SHROOM4: variants seen among roughly 807,000 people sequenced by gnomAD.
The protein encoded by SHROOM4 is shroom family member 4.
Under a neutral mutation model 80.3 loss-of-function variants are expected in SHROOM4, and 17 were observed. The observed-to-expected ratio is 0.21, with a 90% CI of 0.14 to 0.32. The LOEUF (loss-of-function observed/expected upper bound fraction) is 0.32, where lower values mean the gene tolerates loss of function less well. Among genes scored for constraint, SHROOM4 ranks in the 10% least tolerant of loss-of-function variants. SHROOM4 has a pLI of 1.00. For synonymous variants in SHROOM4, 400 were observed against 437.5 expected, an observed-to-expected ratio of 0.91 and a Z score of 1.07; for missense variants, 993 against 1,140.3, an observed-to-expected ratio of 0.87 and a Z score of 1.86.
chrX:50,634,138 T>A lies in SHROOM4; in HGVS notation c.1935A>T (p.Lys645Asn), dbSNP rs376712909. 8.4e-5 allele frequency: 101 copies of A among 1,207,554 alleles called. No homozygotes were observed. In the Admixed American group the frequency reaches 9.2e-4, roughly 11 times the overall value. ...SNTSLLSSCK[K>N]PPSPRDKLFN... Reference sequence around the variant, plus strand: ...AGAGCTTGTCTCTGGGGCTGGGAGGTTTTTTACATGAAGATAGAAGAGATG... The same window carrying A: ...AGAGCTTGTCTCTGGGGCTGGGAGGATTTTTACATGAAGATAGAAGAGATG... Residue 645 changes from lysine to asparagine, a missense_variant, in exon 4 of 9, where the codon AAA (lysine) becomes AAT (asparagine). Transcript: ENST00000376020.
intron 2 of SHROOM4, among the ~76,000 whole-genome samples, chrX:50,657,309 T>C (rs1557259550): frequency 9.0e-6 from 1 of 111,362 alleles, no homozygotes; most frequent in Admixed American, 9.6e-5. Context: ...GTGGGGAAAA[T>C]GGGTGCCCTT....
intron 1 of SHROOM4, among the ~76,000 whole-genome samples, chrX:50,707,749 T>C (rs1330418297): frequency 9.0e-6 from 1 of 110,957 alleles, no homozygotes; most frequent in Non-Finnish European, 1.9e-5. Flanking sequence ...TTCTTCTTTA[T>C]GGCTGCATAT....
intron 2 of SHROOM4, among the ~76,000 whole-genome samples, chrX:50,678,566 T>C (rs1932885350): frequency 9.0e-6 from 1 of 111,281 alleles, no homozygotes; most frequent in African/African-American, 3.3e-5. Flanking sequence ...AGACCACAAA[T>C]TGCATTTCAA....
intron 1 of SHROOM4, among the ~76,000 whole-genome samples, chrX:50,787,930 G>A (rs782270747): frequency 3.6e-5 from 4 of 111,513 alleles, no homozygotes; most frequent in Non-Finnish European, 5.6e-5. Context: ...ATGATAAAGA[G>A]TTAAAGGGAG....
chrX:50,811,530 T>C (rs1367690694), intron 1 of SHROOM4, among the ~76,000 whole-genome samples: 1 of 111,465 alleles, frequency 9.0e-6, no homozygotes, highest in Non-Finnish European at 1.9e-5. Flanking sequence ...CCAACCAGTG[T>C]GTACAGACTA....
chrX:50,663,411 C>A (rs1275375292), intron 2 of SHROOM4, among the ~76,000 whole-genome samples: 1 of 111,046 alleles, frequency 9.0e-6, no homozygotes, highest in African/African-American at 3.3e-5. Context: ...CTGTCTATTC[C>A]TACTGTCACT....
intron 1 of SHROOM4, among the ~76,000 whole-genome samples, chrX:50,793,903 G>GA (rs1239502743): frequency 1.9e-5 from 2 of 106,692 alleles, no homozygotes; most frequent in Non-Finnish European, 3.9e-5. Context: ...AAAGTAGAAG[G>GA]AAAAAAAAAG....
intron 1 of SHROOM4, among the ~76,000 whole-genome samples, chrX:50,717,966 C>A (rs1425398821): frequency 1.8e-5 from 2 of 111,808 alleles, no homozygotes; most frequent in African/African-American, 3.2e-5. Flanking sequence ...TTCATGAGGT[C>A]TGCAAGAAGA....
the SHROOM4 span, among the ~76,000 whole-genome samples, chrX:50,578,600 A>C: frequency 9.0e-6 from 1 of 110,692 alleles, no homozygotes; most frequent in Non-Finnish European, 1.9e-5. Flanking sequence ...CCACCGTGCC[A>C]GGCCAGTTTT....
chrX:50,692,651 C>A (rs1238481858), intron 2 of SHROOM4, among the ~76,000 whole-genome samples: 1 of 111,286 alleles, frequency 9.0e-6, no homozygotes, highest in Non-Finnish European at 1.9e-5. Flanking sequence ...TATTTAAGAC[C>A]TAAATCTTGA....
At position 50,795,167 on chromosome X, in the gene SHROOM4, G is replaced by C. The variant is rs782586470; in HGVS notation, c.117+18735C>G. Among the ~76,000 whole-genome samples, 11 of 43,110 alleles carry C rather than the reference G, an allele frequency of 2.6e-4. 1 individual carries two copies. Among genetic ancestry groups the C allele is most frequent in the South Asian group, 1.2e-3 (1 of 825 alleles). 37.4% of individuals were successfully genotyped at this position (43,110 alleles called of 115,157 possible). A position where few individuals can be genotyped will look rare whatever the true frequency, so the allele number is the denominator to read the frequency against. ...ATATGATATATATATATATATATAT[G>C]ATATATATATATATAAAACCATGGA... is the stretch of plus-strand genomic sequence containing the variant. On this transcript the variant is annotated intron_variant, in intron 1 of 8. Coordinates refer to ENST00000376020, the MANE Select transcript of SHROOM4 (RefSeq NM_020717.5).
At chrX:50,604,031 A>G (rs1271284405) in intron 6 of SHROOM4, among the ~76,000 whole-genome samples, 1 of 111,865 alleles carries the variant, frequency 8.9e-6, no homozygotes, top group Non-Finnish European at 1.9e-5. Context: ...TTTTGCAGCT[A>G]TTTGCAGTTC....
chrX:50,656,245 G>A (rs1557259452), intron 2 of SHROOM4, among the ~76,000 whole-genome samples: 2 of 111,778 alleles, frequency 1.8e-5, no homozygotes, highest in East Asian at 5.6e-4. Context: ...TGGCTGTACA[G>A]AAGCTTTTTA....
chrX:50,674,609 T>C (rs139618422), intron 2 of SHROOM4, among the ~76,000 whole-genome samples: 46 of 111,592 alleles, frequency 4.1e-4, no homozygotes, highest in African/African-American at 1.4e-3. Flanking sequence ...GTAGAGGTAA[T>C]GTAAATGTAA....
chrX:50,748,103 T>C (rs868921036), intron 1 of SHROOM4, among the ~76,000 whole-genome samples: 2 of 111,820 alleles, frequency 1.8e-5, no homozygotes, highest in Non-Finnish European at 3.8e-5. Context: ...ATAGAGTAGG[T>C]CCCATATATG....
intron 1 of SHROOM4, among the ~76,000 whole-genome samples, chrX:50,747,218 C>A (rs1414134596): frequency 8.9e-6 from 1 of 112,181 alleles, no homozygotes; most frequent in Non-Finnish European, 1.9e-5. Flanking sequence ...CCAAAAGCCT[C>A]TCATAAGAGG....
chrX:50,781,503 C>T (rs1485638515), intron 1 of SHROOM4, among the ~76,000 whole-genome samples: 7 of 110,777 alleles, frequency 6.3e-5, no homozygotes, highest in Middle Eastern at 4.6e-3. Flanking sequence ...CAGATACAGA[C>T]TCAGAGGCTT....
the SHROOM4 span, among the ~76,000 whole-genome samples, chrX:50,575,932 G>A: frequency 2.7e-5 from 3 of 112,162 alleles, no homozygotes; most frequent in Non-Finnish European, 5.6e-5. Context: ...TTTTATATAA[G>A]AAGGGAAACA....
intron 2 of SHROOM4, among the ~76,000 whole-genome samples, chrX:50,644,825 C>T (rs1931763700): frequency 8.9e-6 from 1 of 112,056 alleles, no homozygotes; most frequent in African/African-American, 3.2e-5. Flanking sequence ...ATGGATCTGG[C>T]TTACAGTCTC....
Sources: gnomAD v4.1 joint callset for allele counts (sites outside exome capture counted in the v4.1 genomes callset) on GRCh38, gnomAD v4.1.1 for gene constraint, MANE v1.5 for transcripts, NCBI Gene and HGNC (gene_info 2026-07-23, HGNC 2026-07-21) for gene names.